PCDH15: variants seen among roughly 807,000 people sequenced by gnomAD.
PCDH15 encodes protocadherin-15.
In PCDH15, 129 loss-of-function variants were observed where a neutral mutation model predicts 178.5. That is an observed-to-expected ratio of 0.72 (90% confidence interval 0.63 to 0.84). The LOEUF (loss-of-function observed/expected upper bound fraction) is 0.84. Among genes scored for constraint, PCDH15 ranks in the 40% least tolerant of loss-of-function variants. The pLI is 0.00. For synonymous variants in PCDH15, 800 were observed against 732.0 expected (o/e 1.09, Z -1.50); for missense variants, 2,230 against 2,099.9 (o/e 1.06, Z -1.21).
At chr10:54,095,230 A>G (rs985943341) in intron 15 of PCDH15, among the ~76,000 whole-genome samples, 1 of 152,164 alleles carries the variant, frequency 6.6e-6, no homozygotes, top group African/African-American at 2.4e-5. Flanking sequence ...CAGTGTTTCA[A>G]AAAATGTATA....
At chr10:53,910,029 G>A (rs773049654) in intron 25 of PCDH15, among the ~76,000 whole-genome samples, 6 of 152,154 alleles carry the variant, frequency 3.9e-5, no homozygotes, top group Non-Finnish European at 5.9e-5. Context: ...GGAGCCCACC[G>A]CAGCTCAACA....
intron 2 of PCDH15, among the ~76,000 whole-genome samples, chr10:55,132,523 A>G (rs1838080419): frequency 6.6e-6 from 1 of 152,192 alleles, no homozygotes; most frequent in Admixed American, 6.5e-5. Flanking sequence ...CAAACTATTT[A>G]TATGTTCCTA....
intron 2 of PCDH15, among the ~76,000 whole-genome samples, chr10:54,551,749 T>C (rs1167658095): frequency 6.6e-6 from 1 of 152,024 alleles, no homozygotes; most frequent in African/African-American, 2.4e-5. Flanking sequence ...AATTTAGGAA[T>C]CTCTTTTTAC....
At chr10:55,530,350 T>C (rs954038049) in intron 2 of PCDH15, among the ~76,000 whole-genome samples, 1 of 151,864 alleles carries the variant, frequency 6.6e-6, no homozygotes, top group African/African-American at 2.4e-5. Context: ...CCCAAAAAGC[T>C]TCACATATGA....
At chr10:54,999,061 GT>G (rs149160131) in intron 2 of PCDH15, among the ~76,000 whole-genome samples, 1 of 151,558 alleles carries the variant, frequency 6.6e-6, no homozygotes, top group South Asian at 2.1e-4. Context: ...CTTTCTTGTT[GT>G]TTTTTTGTTT....
chr10:55,566,659 C>T (rs1842308394), intron 2 of PCDH15, among the ~76,000 whole-genome samples: 1 of 151,472 alleles, frequency 6.6e-6, no homozygotes, highest in South Asian at 2.1e-4. Context: ...AATCCAAAAA[C>T]AAAATTAATA....
At chr10:54,712,454 A>C (rs771688622) in intron 1 of PCDH15, among the ~76,000 whole-genome samples, 3 of 152,000 alleles carry the variant, frequency 2.0e-5, no homozygotes, top group Non-Finnish European at 2.9e-5. Context: ...TGAAAAGAAC[A>C]TGTCATTTGA....
intron 1 of PCDH15, among the ~76,000 whole-genome samples, chr10:54,756,870 T>G (rs369728843): frequency 1.6e-4 from 24 of 152,316 alleles, no homozygotes; most frequent in East Asian, 9.6e-4. Context: ...AGTTACACTT[T>G]GATACATCCA....
intron 3 of PCDH15, among the ~76,000 whole-genome samples, chr10:54,808,873 A>G (rs990041986): frequency 2.6e-5 from 4 of 152,030 alleles, no homozygotes; most frequent in Non-Finnish European, 5.9e-5. Context: ...GACACATTAT[A>G]TCTTTAACTA....
chr10:54,970,440 A>C lies in PCDH15; in HGVS notation c.-79-72940T>G, dbSNP rs150652355. On this transcript the variant is annotated intron_variant, in intron 2 of 5. Coordinates refer to the PCDH15 transcript ENST00000458638. Reference sequence around the variant, plus strand: ...AGAAGAAAAGGAAAGCTGTAAAGAAAGCCAGAGATTAAGTGGCTGTGATTA... The same window carrying C: ...AGAAGAAAAGGAAAGCTGTAAAGAACGCCAGAGATTAAGTGGCTGTGATTA... 5.1e-4 allele frequency among the ~76,000 whole-genome samples: 78 copies of C among 152,304 alleles called. No individual in the cohort carries two copies. The East Asian group carries it at 0.01, about 20-fold the overall frequency.
chr10:54,189,314 C>T (rs2048754448), intron 11 of PCDH15: 1 of 1,498,196 alleles, frequency 6.7e-7, no homozygotes, highest in Non-Finnish European at 9.1e-7. Flanking sequence ...AGGAAATAAA[C>T]CACAGCAATT....
chr10:54,959,691 C>T (rs1460255377), intron 2 of PCDH15, among the ~76,000 whole-genome samples: 1 of 151,986 alleles, frequency 6.6e-6, no homozygotes, highest in East Asian at 1.9e-4. Context: ...TCTAACCTAG[C>T]CTTTATGTCT....
Position 53,820,158 on chromosome 10 carries a change from T to A in PCDH15, c.4433+7A>T, listed in dbSNP as rs1425337523. On this transcript the variant is annotated splice_region_variant and intron_variant, in intron 33 of 37. Transcript: ENST00000644397. Reference sequence around the variant, plus strand: ...CTCACATTAAAGGCTTACACAATTGTGAATACCTTGTCAGAGTCCGCCAAA... The same window carrying A: ...CTCACATTAAAGGCTTACACAATTGAGAATACCTTGTCAGAGTCCGCCAAA... 1 of 397,652 alleles carries A rather than the reference T, an allele frequency of 2.5e-6. No individual in the cohort carries two copies. Among genetic ancestry groups the A allele is most frequent in the Non-Finnish European group, 4.4e-6 (1 of 225,418 alleles). 24.6% of individuals were successfully genotyped at this position (397,652 alleles called of 1,614,324 possible).
intron 2 of PCDH15, among the ~76,000 whole-genome samples, chr10:55,577,064 A>T (rs1842510208): frequency 6.6e-6 from 1 of 152,088 alleles, no homozygotes; most frequent in Non-Finnish European, 1.5e-5. Flanking sequence ...CAATATGGTG[A>T]AACCCTGTCT....
chr10:54,099,525 T>C (rs1486364407), intron 15 of PCDH15, among the ~76,000 whole-genome samples: 1 of 132,860 alleles, frequency 7.5e-6, no homozygotes, highest in South Asian at 2.3e-4. Flanking sequence ...TATATATATA[T>C]ATATATAAAA....
intron 2 of PCDH15, among the ~76,000 whole-genome samples, chr10:55,507,449 T>C (rs1183031960): frequency 6.6e-6 from 1 of 151,508 alleles, no homozygotes; most frequent in Non-Finnish European, 1.5e-5. Context: ...CTGGATTCTA[T>C]ATCCTTTCTT....
chr10:54,186,989 A>G (rs2048530933), intron 11 of PCDH15, among the ~76,000 whole-genome samples: 1 of 151,978 alleles, frequency 6.6e-6, no homozygotes, highest in South Asian at 2.1e-4. Flanking sequence ...AGTTTCAGTC[A>G]AAGAAACTCT....
chr10:55,413,101 G>T (rs1838384089), intron 2 of PCDH15, among the ~76,000 whole-genome samples: 1 of 151,300 alleles, frequency 6.6e-6, no homozygotes, highest in African/African-American at 2.4e-5. Flanking sequence ...CACATATAGG[G>T]TATATGTTAA....
chr10:54,344,979 T>A (rs60073092), intron 6 of PCDH15, among the ~76,000 whole-genome samples: 35,440 of 142,212 alleles, frequency 0.25, 4,960 homozygotes, highest in African/African-American at 0.37. Context: ...TATATATATA[T>A]TATATATATA....
Sources: allele counts gnomAD v4.1 joint callset (sites outside exome capture counted in the v4.1 genomes callset), GRCh38; gene constraint gnomAD v4.1.1; transcripts MANE v1.5; gene names NCBI Gene and HGNC (gene_info 2026-07-23, HGNC 2026-07-21).